Variants in IPCEF1 observed in about 807,000 individuals in gnomAD.
IPCEF1 encodes interactor protein for cytohesin exchange factors 1.
Under a neutral mutation model 50.9 loss-of-function variants are expected in IPCEF1, and 31 were observed. That is an observed-to-expected ratio of 0.61 (90% CI 0.46 to 0.82). The LOEUF is 0.82. Ranked by LOEUF, IPCEF1 falls within the 40% of genes least tolerant of loss-of-function variation. The probability of loss-of-function intolerance (pLI) is 0.00; values close to 1 mark genes in which losing one functional copy is unlikely to be tolerated. For synonymous variants in IPCEF1, 181 were observed against 192.0 expected (o/e 0.94, Z 0.47); for missense variants, 458 against 514.0 (o/e 0.89, Z 1.05).
chr6:154,194,821 A>G (rs1057236762), intron 10 of IPCEF1, among the ~76,000 whole-genome samples: 4 of 152,318 alleles, frequency 2.6e-5, no homozygotes, highest in South Asian at 4.1e-4. Context: ...AGGATCAGAG[A>G]AAGCAGGTGG....
chr6:154,317,349 A>G (rs1783246548), intron 1 of IPCEF1, among the ~76,000 whole-genome samples: 2 of 151,992 alleles, frequency 1.3e-5, no homozygotes, highest in African/African-American at 4.8e-5. Flanking sequence ...GGAGTTCGAG[A>G]CCAGCCTGGC....
intron 1 of IPCEF1, among the ~76,000 whole-genome samples, chr6:154,304,230 T>A (rs1039480720): frequency 3.3e-5 from 5 of 151,880 alleles, no homozygotes; most frequent in African/African-American, 9.7e-5. Context: ...TCAAAAAAAT[T>A]TTTTTAATTA....
rs556849067 is a variant in IPCEF1 at position 154,270,145 on chromosome 6, T to G, written c.-17-4181A>C. Among the ~76,000 whole-genome samples the G allele has an allele frequency of 8.5e-5, 13 of 152,278 alleles. No homozygotes were observed. The South Asian group carries it at 2.7e-3, about 32-fold the overall frequency. On this transcript the variant is annotated intron_variant, in intron 2 of 11. Coordinates refer to ENST00000367220, the MANE Select transcript of IPCEF1 (RefSeq NM_001130700.2). ...AATGAATTTTTGAATTACCACAAAT[T>G]TAAAAATAGATAAGACCCTAACGAC... is the stretch of plus-strand genomic sequence containing the variant.
chr6:154,281,797 G>A (rs577864811), intron 2 of IPCEF1, among the ~76,000 whole-genome samples: 1 of 152,170 alleles, frequency 6.6e-6, no homozygotes, highest in Non-Finnish European at 1.5e-5. Flanking sequence ...GAGGTTAGGA[G>A]TTCGAGACCA....
At chr6:154,181,700 G>A (rs1327808358) in intron 10 of IPCEF1, among the ~76,000 whole-genome samples, 1 of 152,158 alleles carries the variant, frequency 6.6e-6, no homozygotes, top group Non-Finnish European at 1.5e-5. Flanking sequence ...CCCAGGTTTT[G>A]TACCTCAAAT....
chr6:154,169,804 A>G (rs1799730451), intron 10 of IPCEF1, among the ~76,000 whole-genome samples: 1 of 152,364 alleles, frequency 6.6e-6, no homozygotes, highest in African/African-American at 2.4e-5. Flanking sequence ...TCACTGATTC[A>G]GAGATAAACA....
At position 154,352,145 on chromosome 6, in the gene IPCEF1, T is replaced by A. The variant is rs376767425; in HGVS notation, c.-62+4527A>T. Reference sequence around the variant, plus strand: ...GCACACTGGAACGTAAAGTAAAAGTTGAAGAAAAAAAAAAAGAAATTGTAA... The same window carrying A: ...GCACACTGGAACGTAAAGTAAAAGTAGAAGAAAAAAAAAAAGAAATTGTAA... On this transcript the variant is annotated intron_variant, in intron 1 of 11. Coordinates refer to ENST00000367220, the MANE Select transcript of IPCEF1 (RefSeq NM_001130700.2). Among the ~76,000 whole-genome samples the A allele has an allele frequency of 2.7e-5, 4 of 150,788 alleles. No homozygotes were observed. In the East Asian group the frequency reaches 7.7e-4, roughly 29 times the overall value.
In IPCEF1 at chr6:154,289,956, C is replaced by CCCACCA. The variant is rs1011185008; in HGVS notation, c.-61-206_-61-201dup. On this transcript the variant is annotated intron_variant, in intron 1 of 11. Transcript: ENST00000367220. ...GCAAACACAAACAGTTCAGGAAAGT[C>CCCACCA]CCACCACCACCACCACCCAGGAATG... Among the ~76,000 whole-genome samples, 4 of 151,990 alleles carry CCCACCA rather than the reference C, an allele frequency of 2.6e-5. No homozygotes were observed. The South Asian group carries it at 6.2e-4, about 24-fold the overall frequency.
intron 1 of IPCEF1, among the ~76,000 whole-genome samples, chr6:154,292,221 TC>T (rs1404678564): frequency 6.6e-6 from 1 of 152,196 alleles, no homozygotes; most frequent in Non-Finnish European, 1.5e-5. Context: ...GACTGACTGT[TC>T]CTTCACAACT....
rs1250756303 is a variant in IPCEF1, at chr6:154,199,908, C to T, written c.670G>A (p.Asp224Asn). Residue 224 changes from aspartate to asparagine, a missense_variant, in exon 10 of 12, where the codon GAC becomes AAC. Transcript: ENST00000367220. ...SLSKERQSLPDTVNSLSAAED... is the reference protein window; with the variant it reads ...SLSKERQSLPNTVNSLSAAED... The stretch of plus-strand genomic sequence containing the variant: ...GCAGCAGACAAACTGTTAACTGTGT[C>T]AGGCAAGGATTGTCTCTCTTTAGAT... 3.7e-6 allele frequency: 6 copies of T among 1,614,066 alleles called. No homozygotes were observed. Among genetic ancestry groups the T allele is most frequent in the African/African-American group, 1.3e-5 (1 of 74,934 alleles).
chr6:154,258,582 T>C (rs1189719934), intron 3 of IPCEF1, among the ~76,000 whole-genome samples: 1 of 152,128 alleles, frequency 6.6e-6, no homozygotes, highest in Non-Finnish European at 1.5e-5. Flanking sequence ...CTTTCCCCTC[T>C]CCTACACATT....
At chr6:154,305,348 T>C (rs892696697) in intron 1 of IPCEF1, among the ~76,000 whole-genome samples, 1 of 152,184 alleles carries the variant, frequency 6.6e-6, no homozygotes, top group African/African-American at 2.4e-5. Context: ...CCATGCATTC[T>C]TCTCTGTGCA....
intron 5 of IPCEF1, among the ~76,000 whole-genome samples, chr6:154,229,346 G>GTTTTTTTTTTTTTTTTTTT (rs34462600): frequency 1.8e-5 from 2 of 112,680 alleles, no homozygotes; most frequent in African/African-American, 6.9e-5. Flanking sequence ...AAGTTTGCCG[G>GTTTTTTTTTTTTTTTTTTT]TTTTTTTTTT....
chr6:154,322,635 A>G (rs1783413296), intron 1 of IPCEF1, among the ~76,000 whole-genome samples: 1 of 152,100 alleles, frequency 6.6e-6, no homozygotes, highest in South Asian at 2.1e-4. Flanking sequence ...CCAGGAGTTC[A>G]AGACCAGCCT....
At chr6:154,354,546 T>TCCACC (rs1562300428) in intron 1 of IPCEF1, among the ~76,000 whole-genome samples, 2 of 118,810 alleles carry the variant, frequency 1.7e-5, no homozygotes, top group Non-Finnish European at 1.7e-5. Flanking sequence ...CCATCTCCAT[T>TCCACC]ACCACCTCCA....
intron 3 of IPCEF1, among the ~76,000 whole-genome samples, chr6:154,254,729 G>A (rs1430232346): frequency 6.6e-6 from 1 of 152,048 alleles, no homozygotes; most frequent in Non-Finnish European, 1.5e-5. Context: ...AACTTTCTGT[G>A]TGGTTGGTTG....
At chr6:154,253,266 A>G (rs537698702) in intron 3 of IPCEF1, among the ~76,000 whole-genome samples, 7 of 152,142 alleles carry the variant, frequency 4.6e-5, no homozygotes, top group African/African-American at 1.7e-4. Context: ...TCGAAATCAT[A>G]GGCCCAAGAG....
At chr6:154,247,079 G>T (rs1781114207) in intron 4 of IPCEF1, 1 of 391,214 alleles carries the variant, frequency 2.6e-6, no homozygotes, top group Non-Finnish European at 4.6e-6. Flanking sequence ...CCAAGAATAA[G>T]TTGAAAATAA....
chr6:154,325,960 T>G (rs531798323), intron 1 of IPCEF1, among the ~76,000 whole-genome samples: 17 of 152,278 alleles, frequency 1.1e-4, no homozygotes, highest in Admixed American at 2.6e-4. Context: ...GCACAGTGGC[T>G]CACGCTTGTA....
Sources: allele counts gnomAD v4.1 joint callset (sites outside exome capture counted in the v4.1 genomes callset), GRCh38; gene constraint gnomAD v4.1.1; transcripts MANE v1.5; gene names NCBI Gene and HGNC (gene_info 2026-07-23, HGNC 2026-07-21).